Variants in KIF12 observed in about 807,000 individuals in gnomAD.
KIF12 encodes the protein kinesin family member 12.
In KIF12, 80 loss-of-function variants were observed where a neutral mutation model predicts 87.9. The observed-to-expected ratio is 0.91, with a 90% confidence interval of 0.76 to 1.10. The LOEUF (loss-of-function observed/expected upper bound fraction) is 1.10. Ranked by LOEUF, KIF12 falls within the 50% of genes least tolerant of loss-of-function variation. The probability of loss-of-function intolerance (pLI) is 0.00; values close to 1 mark genes in which losing one functional copy is unlikely to be tolerated. For missense variants in KIF12, 819 were observed against 865.3 expected, an observed-to-expected ratio of 0.95 and a Z score of 0.67; for synonymous variants, 353 against 348.5, an observed-to-expected ratio of 1.01 and a Z score of -0.14.
chr9:114,094,911 T>A (rs1341632462), intron 11 of KIF12, 112 bp downstream of exon 11: 11 of 956,462 alleles, frequency 1.2e-5, no homozygotes, highest in Non-Finnish European at 1.5e-5. Flanking sequence ...CCAACCCTAA[T>A]CCCAACTTTG....
At chr9:114,093,056 G>A (rs528478170) in intron 16 of KIF12, among the ~76,000 whole-genome samples, 173 bp downstream of exon 16, 33 of 152,254 alleles carry the variant, frequency 2.2e-4, no homozygotes, top group Middle Eastern at 3.4e-3. Flanking sequence ...GGAGGGGGGA[G>A]GGTGAGGCAA....
intron 5 of KIF12, 44 bp downstream of exon 5, chr9:114,098,071 C>T: frequency 6.6e-7 from 1 of 1,522,438 alleles, no homozygotes; most frequent in Non-Finnish European, 8.8e-7. Flanking sequence ...GGCTTCCAGC[C>T]CACCCAGCCC....
chr9:114,092,835 G>A (rs1588499209), intron 16 of KIF12, 193 bp from the exon 17 acceptor site: 7 of 1,437,906 alleles, frequency 4.9e-6, no homozygotes, highest in Non-Finnish European at 6.3e-6. Context: ...CCTCTCCTGA[G>A]ACTAGAAGCC....
At position 114,098,942 on chromosome 9, in the gene KIF12, G is replaced by T; in HGVS notation, c.164C>A (p.Thr55Asn). Residue 55 changes from threonine to asparagine, a missense_variant, in exon 3 of 19, where the codon ACT becomes AAT. Coordinates refer to ENST00000640217, the MANE Select transcript of KIF12 (RefSeq NM_001388308.1). ...GAGAGAGGGGTTCCTCACCTGCAGA[G>T]TCCGGGTCCCTGAGCAGTGCAGCAC... ...QSVLHCSGTR[T>N]LQVSPPGGGP... 1.3e-6 allele frequency: 2 copies of T among 1,548,822 alleles called. No homozygotes were observed.
rs763582505 is a variant in KIF12, at chr9:114,092,403, C to G, written c.1746G>C (p.Thr582=). 1.2e-6 allele frequency: 2 copies of G among 1,613,118 alleles called. No homozygotes were observed. Among genetic ancestry groups the G allele is most frequent in the Non-Finnish European group, 8.5e-7 (1 of 1,179,660 alleles). The part of the protein sequence containing the change: ...TQTRVLAEML[T]EEEVVPSAPP... ...GTGCAGAAGGTACCACCTCCTCCTC[C>G]GTCAACATCTCTGCCAGGACTCGGG... Residue 582 remains threonine (T), a synonymous_variant, in exon 18 of 19, where the codon ACG becomes ACC. Transcript: ENST00000640217.
chr9:114,093,627 T>A (rs902120460), intron 14 of KIF12, 130 bp from the exon 15 acceptor site: 19 of 789,296 alleles, frequency 2.4e-5, no homozygotes, highest in East Asian at 5.3e-5. Context: ...AAGTTTTACA[T>A]GTTAACTTAT....
Position 114,096,137 on chromosome 9 carries a change from G to A in KIF12, c.809C>T (p.Ala270Val). ...CGTGGCTGCTACCTTCTCACTGCCT[G>A]CCAGGTCCACAAAGCACAGCTTCCC... The part of the protein sequence containing the change: ...VGGKLCFVDL[A>V]GSEKVAATGS... The change falls in exon 9 of 19, where the codon GCA (alanine) becomes GTA (valine). Residue 270 changes from alanine to valine, a missense_variant. Physicochemically the swap from Ala to Val is moderately conservative, Grantham distance 64 (BLOSUM62 0). Coordinates refer to ENST00000640217, the MANE Select transcript of KIF12 (RefSeq NM_001388308.1). 6.2e-7 allele frequency: 1 copy of A among 1,613,866 alleles called. No homozygotes were observed. Among genetic ancestry groups the A allele is most frequent in the Non-Finnish European group, 8.5e-7 (1 of 1,179,994 alleles).
In KIF12 at chr9:114,093,914, G is replaced by C. The variant is rs1157792479; in HGVS notation, c.1372C>G (p.Leu458Val). The C allele has an allele frequency of 4.3e-6, 7 of 1,614,142 alleles. No individual in the cohort carries two copies. The highest frequency in any genetic ancestry group is 3.3e-5 in the Admixed American group (2 of 60,022). Residue 458 changes from leucine to valine, a missense_variant, in exon 14 of 19, where the codon CTG becomes GTG. Leu to Val is a conservative substitution (Grantham distance 32). Coordinates refer to ENST00000640217, the MANE Select transcript of KIF12 (RefSeq NM_001388308.1). ...TCTAGTGCATGGACCTGCTGGGCCA[G>C]GATGCGCTGCTCATTCTGGGCCAGG... ...RDLAQNEQRI[L>V]AQQVHALERR...
At position 114,097,622 on chromosome 9, in the gene KIF12, C is replaced by A. The variant is rs777539435; in HGVS notation, c.495G>T (p.Glu165Asp). 2 of 1,614,106 alleles carry A rather than the reference C, an allele frequency of 1.2e-6. No homozygotes were observed. Among genetic ancestry groups the A allele is most frequent in the Non-Finnish European group, 1.7e-6 (2 of 1,180,008 alleles). ...APVTLRASYL[E>D]IYNEQVRDLL... The stretch of plus-strand genomic sequence containing the variant: ...ATTCCCTTACCTGCTCATTGTAGAT[C>A]TCCAGATAAGAGGCGCGAAGGGTGA... The change falls in exon 6 of 19, where the codon GAG (glutamate) becomes GAT (aspartate). Residue 165 changes from glutamate to aspartate, a missense_variant. Transcript: ENST00000640217.
At position 114,098,539 on chromosome 9, in the gene KIF12, T is replaced by G. The variant is rs573204439; in HGVS notation, c.172-110A>C. 1.6e-3 allele frequency: 1,091 copies of G among 662,806 alleles called. 1 individual carries two copies. The highest frequency in any genetic ancestry group is 2.0e-3 in the Non-Finnish European group (921 of 466,002). 41.1% of individuals were successfully genotyped at this position (662,806 alleles called of 1,614,324 possible). On this transcript the variant is annotated intron_variant, in intron 3 of 18. Coordinates refer to ENST00000640217, the MANE Select transcript of KIF12 (RefSeq NM_001388308.1). Reference sequence around the variant, plus strand: ...GGCACGCGGGAGGAGGGCGGGGCACTCTGGAGGAGGGCGGGGCACCCTGGA... The same window carrying G: ...GGCACGCGGGAGGAGGGCGGGGCACGCTGGAGGAGGGCGGGGCACCCTGGA...
intron 9 of KIF12, 87 bp from the exon 10 acceptor site, chr9:114,095,419 C>T (rs1847182624): frequency 7.0e-7 from 1 of 1,420,060 alleles, no homozygotes; most frequent in African/African-American, 1.4e-5. Flanking sequence ...GCTCTCCACC[C>T]AGGCCTGTGT....
Position 114,093,313 on chromosome 9 carries a change from G to A in KIF12, c.1512C>T (p.Ser504=), listed in dbSNP as rs939220645. ...PPCHALPPLY[S]CPCCHICPLC... is the part of the protein sequence containing the mutation. ...GTGGGCAGATGTGGCAGCAGGGGCA[G>A]GAGTAGAGGGGTGGCAGTGCCTGCA... The change falls in exon 16 of 19, where the codon TCC becomes TCT. Residue 504 remains serine, a synonymous_variant. Transcript: ENST00000640217. The A allele has an allele frequency of 6.4e-7, 1 of 1,559,616 alleles. No homozygotes were observed. The highest frequency in any genetic ancestry group is 1.4e-5 in the African/African-American group (1 of 73,784).
At chr9:114,092,114 T>TGCCCC in intron 18 of KIF12, 114 bp from the exon 19 acceptor site, 17 of 1,389,244 alleles carry the variant, frequency 1.2e-5, no homozygotes, top group Non-Finnish European at 1.5e-5. Context: ...CCTCCACCCT[T>TGCCCC]CCCCCCACCC....
chr9:114,096,051 C>T lies in KIF12; in HGVS notation c.895G>A (p.Gly299Ser), dbSNP rs1847213957. The change falls in exon 9 of 19, where the codon GGT (glycine) becomes AGT (serine). Residue 299 changes from glycine to serine, a missense_variant and splice_region_variant. Gly to Ser is a moderately conservative substitution (Grantham distance 56). Transcript: ENST00000640217. ...NSINRSLLAL[G>S]HCISLLLDPQ... is the part of the protein sequence containing the mutation. ...CACACCGGTGGCCCCCAGGTCTCAC[C>T]CAGGGCCAGCAGGCTTCGGTTGATG... is the stretch of plus-strand genomic sequence containing the variant. The T allele has an allele frequency of 6.2e-7, 1 of 1,608,558 alleles. No homozygotes were observed. Among genetic ancestry groups the T allele is most frequent in the Non-Finnish European group, 8.5e-7 (1 of 1,177,618 alleles).
intron 7 of KIF12, 46 bp downstream of exon 7, chr9:114,097,255 G>A (rs745855169): frequency 6.3e-7 from 1 of 1,590,588 alleles, no homozygotes; most frequent in Non-Finnish European, 8.5e-7. Flanking sequence ...GAACAACTGA[G>A]GAATGGGCAC....
intron 14 of KIF12, 59 bp from the exon 15 acceptor site, chr9:114,093,556 T>C (rs1847082516): frequency 7.4e-7 from 1 of 1,357,754 alleles, no homozygotes; most frequent in African/African-American, 1.5e-5. Flanking sequence ...AAGCTGGCTT[T>C]CAAATCCCCT....
At chr9:114,098,072 C>T (rs1847310585) in intron 5 of KIF12, 43 bp downstream of exon 5, 1 of 1,523,688 alleles carries the variant, frequency 6.6e-7, no homozygotes, top group Middle Eastern at 2.3e-4. Context: ...GCTTCCAGCC[C>T]ACCCAGCCCC....
intron 16 of KIF12, chr9:114,092,920 G>A: frequency 2.1e-6 from 3 of 1,430,948 alleles, no homozygotes; most frequent in Non-Finnish European, 2.7e-6. Flanking sequence ...ATAAAGCAAG[G>A]AGCTTGGGGA....
Position 114,093,418 on chromosome 9 carries a change from G to A in KIF12, c.1480C>T (p.Pro494Ser), listed in dbSNP as rs774955848. Residue 494 changes from proline to serine, a missense_variant, in exon 15 of 19, where the codon CCC (proline) becomes TCC (serine). By Grantham distance (74) the Pro-to-Ser change is moderately conservative. Coordinates refer to ENST00000640217, the MANE Select transcript of KIF12 (RefSeq NM_001388308.1). Reference protein sequence around the residue: ...PPCPCLMAPAPPCHALPPLYS... With the variant: ...PPCPCLMAPASPCHALPPLYS... Reference sequence around the variant, plus strand: ...GCCGTGAGACTCACATGGCAAGGGGGAGCTGGGGCCATCAAGCAGGGACAC... The same window carrying A: ...GCCGTGAGACTCACATGGCAAGGGGAAGCTGGGGCCATCAAGCAGGGACAC... 7 of 1,566,920 alleles carry A rather than the reference G, an allele frequency of 4.5e-6. No homozygotes were observed. Among genetic ancestry groups the A allele is most frequent in the East Asian group, 2.3e-5 (1 of 42,692 alleles).
Sources: allele counts gnomAD v4.1 joint callset (sites outside exome capture counted in the v4.1 genomes callset), GRCh38; gene constraint gnomAD v4.1.1; transcripts MANE v1.5; gene names NCBI Gene and HGNC (gene_info 2026-07-23, HGNC 2026-07-21).